Variants in ERG observed in about 807,000 individuals in gnomAD.
ERG encodes the protein ETS transcription factor ERG.
Under a neutral mutation model 55.3 loss-of-function variants are expected in ERG, and 9 were observed. That is an observed-to-expected ratio of 0.16 (90% CI 0.10 to 0.28). The LOEUF (loss-of-function observed/expected upper bound fraction) is 0.28. Ranked by LOEUF, ERG falls within the 10% of genes least tolerant of loss-of-function variation. The pLI is 1.00. For missense variants in ERG, 434 were observed against 631.6 expected (o/e 0.69, Z 3.35); for synonymous variants, 223 against 237.3 (o/e 0.94, Z 0.55).
chr21:38,613,456 G>A (rs1009947554), intron 1 of ERG, among the ~76,000 whole-genome samples: 3 of 152,218 alleles, frequency 2.0e-5, no homozygotes, highest in Non-Finnish European at 2.9e-5. Flanking sequence ...TAGAAATCAT[G>A]ACGTTCTTTT....
At chr21:38,611,976 G>A (rs749234104) in intron 1 of ERG, among the ~76,000 whole-genome samples, 1 of 152,128 alleles carries the variant, frequency 6.6e-6, no homozygotes, top group Admixed American at 6.5e-5. Context: ...GAGTCAACAT[G>A]GTGATTTAAA....
At chr21:38,495,222 C>T (rs116482759) in intron 1 of ERG, among the ~76,000 whole-genome samples, 5 of 152,166 alleles carry the variant, frequency 3.3e-5, no homozygotes, top group South Asian at 2.1e-4. Flanking sequence ...TGATAGCAAA[C>T]GTTCAAGAAG....
intron 1 of ERG, among the ~76,000 whole-genome samples, chr21:38,650,322 A>T (rs2060481198): frequency 1.3e-5 from 2 of 152,224 alleles, no homozygotes; most frequent in South Asian, 4.1e-4. Flanking sequence ...TGCACAAAAA[A>T]TTAAATGAAA....
At chr21:38,513,339 C>G (rs2059528821) in intron 2 of ERG, among the ~76,000 whole-genome samples, 2 of 151,864 alleles carry the variant, frequency 1.3e-5, no homozygotes, top group South Asian at 4.1e-4. Flanking sequence ...TTGAGTTCCC[C>G]AAAAACAGGG....
Position 38,382,299 on chromosome 21 carries a change from A to C in ERG, c.*1104T>G. ...CGCACAGCGTTCGCGACTCAAAGGA[A>C]AACTGGAGGCCGCCTACCCAAAATG... On this transcript the variant is annotated 3_prime_UTR_variant, in exon 10 of 10. Transcript: ENST00000288319. 3 of 1,054,956 alleles carry C rather than the reference A, an allele frequency of 2.8e-6. No homozygotes were observed. The highest frequency in any genetic ancestry group is 3.4e-6 in the Non-Finnish European group (3 of 872,532). The allele number at this position is 1,054,956 out of a possible 1,614,324, so 65.3% of individuals were successfully genotyped here.
At chr21:38,624,373 A>G (rs1306403405) in intron 1 of ERG, among the ~76,000 whole-genome samples, 1 of 152,232 alleles carries the variant, frequency 6.6e-6, no homozygotes, top group Non-Finnish European at 1.5e-5. Context: ...TGACGGGGTG[A>G]TAGGTACAGC....
intron 1 of ERG, among the ~76,000 whole-genome samples, chr21:38,473,426 C>T (rs201808469): frequency 6.7e-6 from 1 of 148,686 alleles, no homozygotes; most frequent in Admixed American, 6.7e-5. Context: ...TATATATATA[C>T]ATATATATAT....
chr21:38,394,263 G>C (rs1405647700), intron 6 of ERG, among the ~76,000 whole-genome samples: 5 of 152,122 alleles, frequency 3.3e-5, no homozygotes, highest in Admixed American at 3.3e-4. Context: ...GGTGGTCTGT[G>C]GACCAGCAAC....
chr21:38,592,571 C>CTCTGTGTGTGTGTGTG (rs1555871066), intron 1 of ERG, among the ~76,000 whole-genome samples: 3 of 147,996 alleles, frequency 2.0e-5, no homozygotes, highest in African/African-American at 7.5e-5. Flanking sequence ...TCTCCCTTCA[C>CTCTGTGTGTGTGTGTG]TGTGTGTGTG....
chr21:38,469,356 A>G (rs2059120610), intron 1 of ERG, among the ~76,000 whole-genome samples: 1 of 152,208 alleles, frequency 6.6e-6, no homozygotes, highest in South Asian at 2.1e-4. Flanking sequence ...CCTACCTGTT[A>G]CTTGTATGCC....
chr21:38,528,230 A>T (rs796964920), intron 2 of ERG, among the ~76,000 whole-genome samples: 11 of 152,230 alleles, frequency 7.2e-5, no homozygotes, highest in Middle Eastern at 3.4e-3. Flanking sequence ...ACCCTACTAC[A>T]TCTGCAATAA....
At chr21:38,525,585 C>T (rs1030067714) in intron 2 of ERG, among the ~76,000 whole-genome samples, 1 of 152,198 alleles carries the variant, frequency 6.6e-6, no homozygotes, top group Admixed American at 6.5e-5. Flanking sequence ...TGAGTCATTT[C>T]TCTACCTCAT....
At chr21:38,501,061 CTTTTTTTTTT>C (rs34639260), upstream of ERG, among the ~76,000 whole-genome samples, 1 of 81,186 alleles carries the variant, frequency 1.2e-5, no homozygotes, top group African/African-American at 5.0e-5. Context: ...CAAGGCACAT[CTTTTTTTTTT>C]TTTTTTTTTT....
intron 3 of ERG, among the ~76,000 whole-genome samples, chr21:38,407,656 T>G (rs1424400953): frequency 2.4e-5 from 3 of 123,596 alleles, no homozygotes; most frequent in African/African-American, 1.2e-4. Context: ...TTAATGTATA[T>G]TATATGTATA....
At chr21:38,590,775 T>C (rs1181982868) in intron 1 of ERG, among the ~76,000 whole-genome samples, 1 of 152,308 alleles carries the variant, frequency 6.6e-6, no homozygotes, top group Admixed American at 6.5e-5. Flanking sequence ...CTAACTAGGG[T>C]TGGGCTTTGC....
At chr21:38,489,290 C>T (rs773327638) in intron 1 of ERG, among the ~76,000 whole-genome samples, 1 of 152,178 alleles carries the variant, frequency 6.6e-6, no homozygotes, top group Non-Finnish European at 1.5e-5. Flanking sequence ...AAATTGGTTA[C>T]AATAGGCTTG....
intron 2 of ERG, among the ~76,000 whole-genome samples, chr21:38,534,135 T>A (rs2059692321): frequency 6.6e-6 from 1 of 152,178 alleles, no homozygotes. Flanking sequence ...TTGACTCAAG[T>A]ATTTCCGAAG....
At chr21:38,628,185 C>A (rs1445327571) in intron 1 of ERG, among the ~76,000 whole-genome samples, 1 of 152,130 alleles carries the variant, frequency 6.6e-6, no homozygotes, top group Non-Finnish European at 1.5e-5. Context: ...CCTGAGCTCA[C>A]AGAATCCACT....
At position 38,622,859 on chromosome 21, in the gene ERG, C is replaced by T. The variant is rs538304888; in HGVS notation, c.-149-37914G>A. Among the ~76,000 whole-genome samples the T allele has an allele frequency of 7.3e-5, 11 of 150,734 alleles. No homozygotes were observed. In the South Asian group the frequency reaches 2.1e-3, roughly 29 times the overall value. ...CATGTGCTCATACATTCCACACACC[C>T]ACACCACACATACTACATGATCATA... is the stretch of plus-strand genomic sequence containing the variant. On this transcript the variant is annotated intron_variant, in intron 1 of 10. Transcript: ENST00000398910.
Sources: allele counts gnomAD v4.1 joint callset (sites outside exome capture counted in the v4.1 genomes callset), GRCh38; gene constraint gnomAD v4.1.1; transcripts MANE v1.5; gene names NCBI Gene and HGNC (gene_info 2026-07-23, HGNC 2026-07-21).